OGDH: variants seen among roughly 807,000 people sequenced by gnomAD.
OGDH encodes oxoglutarate dehydrogenase.
In OGDH, 38 loss-of-function variants were observed where a neutral mutation model predicts 116.6. The observed-to-expected ratio is 0.33, with a 90% CI of 0.25 to 0.43. The LOEUF is 0.43. Ranked by LOEUF, OGDH falls within the 20% of genes least tolerant of loss-of-function variation. The probability of loss-of-function intolerance (pLI) is 1.00; values close to 1 mark genes in which losing one functional copy is unlikely to be tolerated. For missense variants in OGDH, 825 were observed against 1,357.2 expected, an observed-to-expected ratio of 0.61 and a Z score of 6.16; for synonymous variants, 488 against 533.3, an observed-to-expected ratio of 0.92 and a Z score of 1.17.
intron 18 of OGDH, among the ~76,000 whole-genome samples, chr7:44,699,020 T>C (rs547682782): frequency 9.9e-5 from 15 of 151,256 alleles, no homozygotes; most frequent in Admixed American, 3.3e-4. Flanking sequence ...GGCGCCCACC[T>C]GTAATCCCAG....
chr7:44,622,265 G>A (rs2117280401), intron 1 of OGDH, among the ~76,000 whole-genome samples: 1 of 152,182 alleles, frequency 6.6e-6, no homozygotes, highest in African/African-American at 2.4e-5. Flanking sequence ...TCAATGTTAG[G>A]GCTGTTTGTC....
In OGDH at chr7:44,707,995, C is replaced by T. The variant is rs575729581; in HGVS notation, c.3068C>T (p.Ser1023Leu). ...GACCTGGACGTCTTCAAGAACTTCTCGTAGATGCTGCCTAGGGTTGCTTGG... is the reference window on the plus strand; with the variant it reads ...GACCTGGACGTCTTCAAGAACTTCTTGTAGATGCTGCCTAGGGTTGCTTGG... ...AFDLDVFKNF[S>L] The change falls in exon 23 of 23, where the codon TCG (serine) becomes TTG (leucine). Residue 1023 changes from serine to leucine, a missense_variant. Around this residue, in one of 7 missense-constraint regions of OGDH, gnomAD observed 212 missense variants for 284.3 expected, o/e 0.75. Transcript: ENST00000222673. The surrounding 1 kb of genome is among the most constrained non-coding windows in gnomAD (Gnocchi z 5.2). 28 of 1,612,854 alleles carry T rather than the reference C, an allele frequency of 1.7e-5. No individual in the cohort carries two copies. In the Admixed American group the frequency reaches 4.2e-4, roughly 24 times the overall value.
intron 1 of OGDH, among the ~76,000 whole-genome samples, chr7:44,616,667 A>T (rs1421631142): frequency 1.4e-5 from 2 of 147,518 alleles, no homozygotes; most frequent in Non-Finnish European, 3.0e-5. Flanking sequence ...ATATACGTAT[A>T]TACGTATATA....
At chr7:44,647,402 C>G (rs780600393) in intron 3 of OGDH, 347 of 1,378,848 alleles carry the variant, frequency 2.5e-4, no homozygotes, top group Non-Finnish European at 3.3e-4. Flanking sequence ...CCCCACAGCT[C>G]ACTGGATCTG....
chr7:44,707,812 A>C lies in OGDH; in HGVS notation c.2952-67A>C, dbSNP rs1789151847. 2 of 1,609,564 alleles carry C rather than the reference A, an allele frequency of 1.2e-6. No homozygotes were observed. The highest frequency in any genetic ancestry group is 2.7e-5 in the African/African-American group (2 of 74,898). On this transcript the variant is annotated intron_variant, in intron 22 of 22. Coordinates refer to ENST00000222673, the MANE Select transcript of OGDH (RefSeq NM_002541.4). This position sits in a 1 kb window ranked among gnomAD's most constrained non-coding sequence, Gnocchi z 5.2. ...AGTAGGCAGTTAGCCAGGCACATGC[A>C]GCAGAGGGATGGGCTGGGCCAACTC...
intron 1 of OGDH, among the ~76,000 whole-genome samples, chr7:44,622,625 A>G (rs946389471): frequency 1.5e-4 from 23 of 152,296 alleles, no homozygotes; most frequent in Non-Finnish European, 3.1e-4. Flanking sequence ...CTGATAAATA[A>G]TATAGAAGAT....
intron 1 of OGDH, among the ~76,000 whole-genome samples, chr7:44,611,991 T>C (rs1388339317): frequency 6.6e-6 from 1 of 152,200 alleles, no homozygotes; most frequent in Non-Finnish European, 1.5e-5. Flanking sequence ...TACATATGTA[T>C]ACATGTGCCA....
intron 4 of OGDH, among the ~76,000 whole-genome samples, chr7:44,651,545 A>G (rs540909472): frequency 6.6e-6 from 1 of 152,226 alleles, no homozygotes; most frequent in East Asian, 1.9e-4. Context: ...TATTGTTGAG[A>G]TGGTAGGGCC....
At chr7:44,633,984 T>C (rs546572327) in intron 2 of OGDH, among the ~76,000 whole-genome samples, 3 of 152,346 alleles carry the variant, frequency 2.0e-5, no homozygotes, top group African/African-American at 7.2e-5. Context: ...CTGGTTTCCA[T>C]GAATGTTTGT....
At position 44,694,408 on chromosome 7, in the gene OGDH, T is replaced by A; in HGVS notation, c.1516-16T>A. On this transcript the variant is annotated splice_polypyrimidine_tract_variant and intron_variant, in intron 11 of 22. Transcript: ENST00000222673. This position sits in a 1 kb window ranked among gnomAD's most constrained non-coding sequence, Gnocchi z 4.2. The stretch of plus-strand genomic sequence containing the variant: ...GCCAGCCCTTGTCTCTGACATCCTC[T>A]CACTGCTCTGAGCAGGTGTGTTACC... 6.2e-7 allele frequency: 1 copy of A among 1,613,356 alleles called. No homozygotes were observed. The highest frequency in any genetic ancestry group is 8.5e-7 in the Non-Finnish European group (1 of 1,179,828).
At chr7:44,676,668 A>G (rs1033295824) in intron 9 of OGDH, 3 of 312,824 alleles carry the variant, frequency 9.6e-6, no homozygotes, top group Non-Finnish European at 1.4e-5. Context: ...AAGAATAGCA[A>G]TAGTAAAACA....
chr7:44,657,944 T>C (rs943894103), intron 4 of OGDH, among the ~76,000 whole-genome samples: 3 of 152,356 alleles, frequency 2.0e-5, no homozygotes, highest in African/African-American at 7.2e-5. Flanking sequence ...CAAAAATCAG[T>C]TGGACTTATT....
chr7:44,611,072 A>ATTT (rs56803296), intron 1 of OGDH, among the ~76,000 whole-genome samples: 3 of 122,874 alleles, frequency 2.4e-5, no homozygotes, highest in Non-Finnish European at 5.1e-5. Context: ...ATTTTTCTAA[A>ATTT]TTTTTTTTTT....
chr7:44,609,339 C>CAAAAAA (rs1185554089), intron 1 of OGDH, among the ~76,000 whole-genome samples: 16 of 81,330 alleles, frequency 2.0e-4, no homozygotes, highest in Admixed American at 2.9e-4. Flanking sequence ...CTCGTCTCTA[C>CAAAAAA]AAAAAAAAAA....
chr7:44,621,201 G>A (rs922689533), intron 1 of OGDH, among the ~76,000 whole-genome samples: 1 of 152,124 alleles, frequency 6.6e-6, no homozygotes. Context: ...AGCCTCCGGG[G>A]TAGCTGGTAC....
At chr7:44,621,919 T>TCTGA (rs1785026292) in intron 1 of OGDH, among the ~76,000 whole-genome samples, 3 of 152,102 alleles carry the variant, frequency 2.0e-5, no homozygotes, top group Admixed American at 1.3e-4. Flanking sequence ...GGGCAGCACT[T>TCTGA]AACTATGTGT....
chr7:44,678,308 C>T (rs1233414169), intron 9 of OGDH, among the ~76,000 whole-genome samples: 1 of 152,128 alleles, frequency 6.6e-6, no homozygotes, highest in East Asian at 1.9e-4. Context: ...CTCGCCCAGG[C>T]ATTTGGGCTG....
chr7:44,701,440 G>A, intron 19 of OGDH, 103 bp from the exon 20 acceptor site: 2 of 954,680 alleles, frequency 2.1e-6, no homozygotes, highest in Non-Finnish European at 3.3e-6. Flanking sequence ...GGGCAGGTGT[G>A]TTTCATGGCC....
intron 10 of OGDH, among the ~76,000 whole-genome samples, chr7:44,687,688 G>T (rs945308224): frequency 1.3e-5 from 2 of 151,986 alleles, no homozygotes; most frequent in African/African-American, 4.8e-5. Flanking sequence ...CTCCCAAAGT[G>T]CTTGGGATTA....
Sources: gnomAD v4.1 joint callset for allele counts (sites outside exome capture counted in the v4.1 genomes callset) on GRCh38, gnomAD v4.1.1 for gene constraint, gnomAD v4.1.1 regional missense constraint, Gnocchi (gnomAD v3.1) non-coding constraint, MANE v1.5 for transcripts, NCBI Gene and HGNC (gene_info 2026-07-23, HGNC 2026-07-21) for gene names.